RBFOX1: variants seen among roughly 807,000 people sequenced by gnomAD.
RBFOX1 encodes RNA binding fox-1 homolog 1.
RBFOX1 carries 8 observed loss-of-function variants against 57.7 expected under a neutral mutation model. That is an observed-to-expected ratio of 0.14 (90% CI 0.08 to 0.25). The LOEUF (loss-of-function observed/expected upper bound fraction) is 0.25, where lower values mean the gene tolerates loss of function less well. Among genes scored for constraint, RBFOX1 ranks in the 10% least tolerant of loss-of-function variants. RBFOX1 has a pLI of 1.00. For synonymous variants in RBFOX1, 326 were observed against 222.4 expected (o/e 1.47, Z -4.15); for missense variants, 611 against 548.5 (o/e 1.11, Z -1.14).
At chr16:5,888,096 C>G (rs953941187) in intron 4 of RBFOX1, among the ~76,000 whole-genome samples, 14 of 152,166 alleles carry the variant, frequency 9.2e-5, no homozygotes, top group Non-Finnish European at 1.6e-4. Flanking sequence ...GCCTCACCAC[C>G]TTCCTCTCAG....
intron 2 of RBFOX1, among the ~76,000 whole-genome samples, chr16:6,486,193 C>G (rs1567397531): frequency 1.4e-5 from 2 of 139,422 alleles, no homozygotes; most frequent in Admixed American, 1.6e-4. Context: ...GTGTATATGA[C>G]TTTTGTTTTG....
intron 1 of RBFOX1, among the ~76,000 whole-genome samples, chr16:6,232,396 A>G (rs950823170): frequency 2.6e-5 from 4 of 152,218 alleles, no homozygotes; most frequent in African/African-American, 9.6e-5. Flanking sequence ...GTTCTTTTGA[A>G]TAATGGGACC....
chr16:7,327,602 C>G (rs1603622781), intron 4 of RBFOX1, among the ~76,000 whole-genome samples: 2 of 152,296 alleles, frequency 1.3e-5, no homozygotes, highest in South Asian at 2.1e-4. Context: ...CAAATGGCAA[C>G]TGACAGCTTC....
intron 4 of RBFOX1, among the ~76,000 whole-genome samples, chr16:7,054,545 T>TG (rs71147645): frequency 3.1e-4 from 34 of 108,400 alleles, no homozygotes; most frequent in African/African-American, 6.6e-4. Context: ...CAAACCTGGG[T>TG]GGGGGGGCAT....
intron 1 of RBFOX1, among the ~76,000 whole-genome samples, chr16:6,069,130 G>T (rs1320036469): frequency 6.6e-6 from 1 of 152,142 alleles, no homozygotes; most frequent in African/African-American, 2.4e-5. Context: ...CGGGCACGGC[G>T]GCTGACGCAT....
At chr16:6,970,233 A>G (rs1008208247) in intron 3 of RBFOX1, among the ~76,000 whole-genome samples, 1 of 151,946 alleles carries the variant, frequency 6.6e-6, no homozygotes, top group South Asian at 2.1e-4. Context: ...CCCATGAAAA[A>G]CCAAAAAAAA....
chr16:5,700,313 TAGTG>T (rs1368323740), intron 3 of RBFOX1, among the ~76,000 whole-genome samples: 1 of 152,098 alleles, frequency 6.6e-6, no homozygotes, highest in African/African-American at 2.4e-5. Context: ...TGGCAAGGGT[TAGTG>T]GGTGGTAATG....
At chr16:5,587,966 A>G (rs991940202) in intron 2 of RBFOX1, among the ~76,000 whole-genome samples, 12 of 152,288 alleles carry the variant, frequency 7.9e-5, no homozygotes, top group African/African-American at 2.9e-4. Flanking sequence ...CTAAATGTCC[A>G]TCAGCAGATT....
At chr16:7,493,176 A>C (rs148344799) in intron 4 of RBFOX1, among the ~76,000 whole-genome samples, 15 of 152,322 alleles carry the variant, frequency 9.8e-5, no homozygotes, top group African/African-American at 3.4e-4. Flanking sequence ...CACTGTGCGC[A>C]GCCTTAAGCC....
intron 3 of RBFOX1, among the ~76,000 whole-genome samples, chr16:6,867,896 C>G (rs17234208): frequency 0.073 from 11,146 of 152,168 alleles, 490 homozygotes; most frequent in South Asian, 0.17. Context: ...TCATTCCATA[C>G]TCTTAAACAA....
intron 1 of RBFOX1, among the ~76,000 whole-genome samples, chr16:6,246,885 A>G (rs2097572175): frequency 6.6e-6 from 1 of 152,154 alleles, no homozygotes; most frequent in African/African-American, 2.4e-5. Flanking sequence ...CCTGGCCAAC[A>G]TGGTGAAACC....
chr16:5,985,808 G>A (rs1375289255), intron 4 of RBFOX1, among the ~76,000 whole-genome samples: 1 of 152,156 alleles, frequency 6.6e-6, no homozygotes, highest in African/African-American at 2.4e-5. Context: ...GAAACATCTG[G>A]CTGCCTCTGG....
chr16:6,525,979 C>G (rs1489090672), intron 2 of RBFOX1, among the ~76,000 whole-genome samples: 1 of 151,924 alleles, frequency 6.6e-6, no homozygotes, highest in African/African-American at 2.4e-5. Context: ...AAGTAAAGGT[C>G]AAGTAAAAAT....
At chr16:5,551,150 GT>G (rs1194538573) in intron 2 of RBFOX1, among the ~76,000 whole-genome samples, 1 of 152,170 alleles carries the variant, frequency 6.6e-6, no homozygotes, top group African/African-American at 2.4e-5. Flanking sequence ...GAGTTGAGGT[GT>G]TTTTCTTCTG....
At chr16:5,988,290 A>G (rs1051827684) in intron 4 of RBFOX1, among the ~76,000 whole-genome samples, 1 of 152,254 alleles carries the variant, frequency 6.6e-6, no homozygotes, top group Non-Finnish European at 1.5e-5. Context: ...CATAATTAAA[A>G]TAATGAGAGT....
At chr16:5,865,276 G>C (rs1013545820) in intron 3 of RBFOX1, among the ~76,000 whole-genome samples, 1 of 152,160 alleles carries the variant, frequency 6.6e-6, no homozygotes, top group African/African-American at 2.4e-5. Flanking sequence ...CAGGGATCTT[G>C]TGTGCTTGTG....
chr16:7,453,553 A>T (rs1406607262), intron 4 of RBFOX1, among the ~76,000 whole-genome samples: 1 of 152,196 alleles, frequency 6.6e-6, no homozygotes, highest in Admixed American at 6.5e-5. Context: ...AGTGTATGAC[A>T]GTAAGCCAGG....
chr16:6,928,695 G>T (rs140535510), intron 3 of RBFOX1, among the ~76,000 whole-genome samples: 1 of 152,166 alleles, frequency 6.6e-6, no homozygotes, highest in African/African-American at 2.4e-5. Context: ...TGTGAGGTCA[G>T]AGTGGTAAGT....
chr16:5,976,154 T>G (rs1212720062), intron 4 of RBFOX1, among the ~76,000 whole-genome samples: 1 of 151,772 alleles, frequency 6.6e-6, no homozygotes, highest in African/African-American at 2.4e-5. Flanking sequence ...CAAAATAAAT[T>G]AATAAATAAA....
Sources: gnomAD v4.1 joint callset for allele counts (sites outside exome capture counted in the v4.1 genomes callset) on GRCh38, gnomAD v4.1.1 for gene constraint, MANE v1.5 for transcripts, NCBI Gene and HGNC (gene_info 2026-07-23, HGNC 2026-07-21) for gene names.